TRIO: variants seen among roughly 807,000 people sequenced by gnomAD.
TRIO encodes the protein trio Rho guanine nucleotide exchange factor.
In TRIO, 58 loss-of-function variants were observed where a neutral mutation model predicts 351.9. The ratio of observed to expected loss-of-function variants is 0.16; its 90% CI spans 0.13 to 0.21. The LOEUF (loss-of-function observed/expected upper bound fraction) is 0.21. Ranked by LOEUF, TRIO falls within the 10% of genes least tolerant of loss-of-function variation. The probability of loss-of-function intolerance (pLI) is 1.00; values close to 1 mark genes in which losing one functional copy is unlikely to be tolerated. For synonymous variants in TRIO, 1,758 were observed against 1,595.7 expected (o/e 1.10, Z -2.42); for missense variants, 3,201 against 4,027.8 (o/e 0.79, Z 5.56).
chr5:14,236,041 T>G (rs1183983901), intron 1 of TRIO, among the ~76,000 whole-genome samples: 2 of 109,178 alleles, frequency 1.8e-5, no homozygotes, highest in Non-Finnish European at 3.8e-5. Context: ...GTTGGTTAAA[T>G]AGATCACCTA....
intron 11 of TRIO, among the ~76,000 whole-genome samples, chr5:14,346,218 A>G (rs1212078008): frequency 6.6e-6 from 1 of 152,196 alleles, no homozygotes. Context: ...GGAAGGGTTG[A>G]GCTTTCTGCT....
At chr5:14,293,202 A>G (rs1737056884) in intron 6 of TRIO, 68 bp downstream of exon 6, 1 of 1,607,672 alleles carries the variant, frequency 6.2e-7, no homozygotes, top group East Asian at 2.2e-5. Flanking sequence ...GCATTTGGCA[A>G]ATTGTATGCT....
At position 14,507,150 on chromosome 5, in the gene TRIO, G is replaced by C; in HGVS notation, c.8641G>C (p.Val2881Leu). The C allele has an allele frequency of 1.2e-6, 2 of 1,611,300 alleles. No individual in the cohort carries two copies. The highest frequency in any genetic ancestry group is 2.2e-5 in the South Asian group (2 of 90,604). ...TGACCAGGGTCGCCTCCTGGACTGCGTGGTGCGATGGGGAAGCCTCACTGA... is the reference window on the plus strand; with the variant it reads ...TGACCAGGGTCGCCTCCTGGACTGCCTGGTGCGATGGGGAAGCCTCACTGA... ...MADQGRLLDCVVRWGSLTEGK... is the reference protein window; with the variant it reads ...MADQGRLLDCLVRWGSLTEGK... The change falls in exon 56 of 57, where the codon GTG becomes CTG. Residue 2881 changes from valine to leucine, a missense_variant. Around this residue, in one of 19 missense-constraint regions of TRIO, gnomAD observed 233 missense variants for 292.6 expected, o/e 0.80. Coordinates refer to ENST00000344204, the MANE Select transcript of TRIO (RefSeq NM_007118.4).
intron 1 of TRIO, among the ~76,000 whole-genome samples, chr5:14,218,833 G>C (rs372535478): frequency 1.3e-5 from 2 of 152,348 alleles, no homozygotes; most frequent in East Asian, 1.9e-4. Context: ...ATTTCCAAAG[G>C]CTGTGAACTT....
chr5:14,369,529 G>A lies in TRIO; in HGVS notation c.3216+6G>A, dbSNP rs768901321. 3.7e-6 allele frequency: 6 copies of A among 1,612,830 alleles called. No individual in the cohort carries two copies. The highest frequency in any genetic ancestry group is 1.3e-5 in the African/African-American group (1 of 74,912). On this transcript the variant is annotated splice_donor_region_variant and intron_variant, in intron 18 of 56. Transcript: ENST00000344204. The stretch of plus-strand genomic sequence containing the variant: ...AGAAGGAGGCATTCCTGAAGGTAGG[G>A]GCAGCGCTGCGGGACAGTGCACCCA...
intron 34 of TRIO, among the ~76,000 whole-genome samples, chr5:14,459,441 C>T (rs910508395): frequency 3.3e-5 from 5 of 152,342 alleles, no homozygotes; most frequent in Non-Finnish European, 5.9e-5. Context: ...TCCATGCCAC[C>T]GTGGTGGAGC....
At chr5:14,429,277 C>A (rs1750900458) in intron 34 of TRIO, among the ~76,000 whole-genome samples, 1 of 152,148 alleles carries the variant, frequency 6.6e-6, no homozygotes. Flanking sequence ...AGCAGCCAGG[C>A]GCTGATGAGA....
chr5:14,351,268 CAG>C (rs1265179321), intron 11 of TRIO, among the ~76,000 whole-genome samples: 49 of 152,218 alleles, frequency 3.2e-4, no homozygotes, highest in African/African-American at 1.1e-3. Flanking sequence ...TCATTTCAGA[CAG>C]AGGAACATGC....
intron 1 of TRIO, among the ~76,000 whole-genome samples, chr5:14,187,955 G>A (rs980388106): frequency 5.3e-5 from 8 of 152,178 alleles, no homozygotes; most frequent in Non-Finnish European, 1.2e-4. Flanking sequence ...TGCGTGAGAA[G>A]CAGACCCTGC....
chr5:14,202,294 ATTTTTTTTTTTTTTTTTTTT>A (rs60827656), intron 1 of TRIO, among the ~76,000 whole-genome samples: 26 of 33,566 alleles, frequency 7.7e-4, no homozygotes, highest in South Asian at 2.2e-3. Context: ...TATTTTTGTG[ATTTTTTTTTTTTTTTTTTTT>A]TTTTTTTTTT....
chr5:14,175,281 G>C (rs1236279812), intron 1 of TRIO, among the ~76,000 whole-genome samples: 1 of 152,150 alleles, frequency 6.6e-6, no homozygotes, highest in African/African-American at 2.4e-5. Flanking sequence ...GAATGTGCAG[G>C]TTTGTTACAT....
chr5:14,297,905 G>A (rs1737505264), intron 7 of TRIO, among the ~76,000 whole-genome samples: 2 of 152,160 alleles, frequency 1.3e-5, no homozygotes, highest in South Asian at 4.1e-4. Flanking sequence ...GGCTGTAGCT[G>A]TCTTTGCCTG....
intron 2 of TRIO, among the ~76,000 whole-genome samples, chr5:14,277,450 G>A (rs992510669): frequency 1.3e-5 from 2 of 152,202 alleles, no homozygotes; most frequent in African/African-American, 4.8e-5. Flanking sequence ...ATCCTGTGAT[G>A]CTGGCAGCAT....
chr5:14,312,458 T>G (rs891714298), intron 8 of TRIO, among the ~76,000 whole-genome samples: 2 of 152,258 alleles, frequency 1.3e-5, no homozygotes, highest in Non-Finnish European at 2.9e-5. Flanking sequence ...TGTTAATCTT[T>G]GTAATATGTA....
intron 1 of TRIO, among the ~76,000 whole-genome samples, chr5:14,183,573 C>T (rs1468112450): frequency 7.5e-6 from 1 of 134,078 alleles, no homozygotes; most frequent in Non-Finnish European, 1.6e-5. Context: ...AAGAAAAGCC[C>T]TAAAGAAACT....
intron 12 of TRIO, 149 bp downstream of exon 12, chr5:14,358,496 A>C: frequency 3.7e-5 from 29 of 791,088 alleles, no homozygotes; most frequent in Middle Eastern, 2.4e-4. Flanking sequence ...AGGAGAGAGA[A>C]ACGGCTCTCT....
intron 7 of TRIO, among the ~76,000 whole-genome samples, chr5:14,301,559 T>C (rs906339466): frequency 4.6e-5 from 7 of 152,158 alleles, no homozygotes; most frequent in African/African-American, 1.7e-4. Flanking sequence ...CAACCTGGGT[T>C]ACTCAGGATG....
At chr5:14,264,307 C>G (rs893331558) in intron 1 of TRIO, among the ~76,000 whole-genome samples, 2 of 151,842 alleles carry the variant, frequency 1.3e-5, no homozygotes, top group Non-Finnish European at 2.9e-5. Flanking sequence ...TACTTTCTTT[C>G]TTTGAGGTAT....
At chr5:14,244,899 G>A (rs948092192) in intron 1 of TRIO, among the ~76,000 whole-genome samples, 3 of 152,340 alleles carry the variant, frequency 2.0e-5, no homozygotes, top group Middle Eastern at 6.8e-3. Flanking sequence ...CATAGGCAGA[G>A]GGGGTGGGCT....
Sources: allele counts gnomAD v4.1 joint callset (sites outside exome capture counted in the v4.1 genomes callset), GRCh38; gene constraint gnomAD v4.1.1; regional missense constraint gnomAD v4.1.1; transcripts MANE v1.5; gene names NCBI Gene and HGNC (gene_info 2026-07-23, HGNC 2026-07-21).